Variants in WWOX observed in about 807,000 individuals in gnomAD.
WWOX encodes WW domain-containing oxidoreductase.
In WWOX, 69 loss-of-function variants were observed where a neutral mutation model predicts 46.2. The observed-to-expected ratio is 1.49, with a 90% CI of 1.23 to 1.82. The LOEUF is 1.82. Among genes scored for constraint, WWOX ranks in the 40% most tolerant of loss-of-function variants. The pLI is 0.00. For synonymous variants in WWOX, 359 were observed against 202.6 expected, an observed-to-expected ratio of 1.77 and a Z score of -6.56; for missense variants, 919 against 542.6, an observed-to-expected ratio of 1.69 and a Z score of -6.89.
At chr16:78,632,999 A>T (rs779631308) in intron 8 of WWOX, among the ~76,000 whole-genome samples, 1 of 152,166 alleles carries the variant, frequency 6.6e-6, no homozygotes, top group African/African-American at 2.4e-5. Context: ...ATGGTGGCTC[A>T]TGCCTGTAAT....
intron 8 of WWOX, chr16:78,825,499 A>G: frequency 2.1e-6 from 1 of 483,608 alleles, no homozygotes; most frequent in South Asian, 1.6e-5. Flanking sequence ...GCTGTAGTTC[A>G]GAAGAGATTT....
Position 78,880,259 on chromosome 16 carries a change from G to A in WWOX, c.1057-331349G>A, listed in dbSNP as rs190756039. Among the ~76,000 whole-genome samples, 611 of 152,258 alleles carry A rather than the reference G, an allele frequency of 4.0e-3. 3 individuals are homozygous for A. The highest frequency in any genetic ancestry group is 0.013 in the South Asian group (65 of 4,818). On this transcript the variant is annotated intron_variant, in intron 8 of 8. Transcript: ENST00000566780. ...AACATGAAAACACCTTACATAGATGGAAACATCTAAAGGCTATTTTTTATT... is the reference window on the plus strand; with the variant it reads ...AACATGAAAACACCTTACATAGATGAAAACATCTAAAGGCTATTTTTTATT...
At chr16:78,645,986 T>C (rs995315084) in intron 8 of WWOX, among the ~76,000 whole-genome samples, 1 of 152,044 alleles carries the variant, frequency 6.6e-6, no homozygotes, top group African/African-American at 2.4e-5. Flanking sequence ...GCTCCTTCTC[T>C]CCCCCTCCTC....
chr16:78,982,683 G>C (rs571995722), intron 8 of WWOX, among the ~76,000 whole-genome samples: 188 of 152,186 alleles, frequency 1.2e-3, no homozygotes, highest in African/African-American at 4.3e-3. Context: ...ATTTTAGACC[G>C]GGCTCCTCAA....
intron 8 of WWOX, among the ~76,000 whole-genome samples, chr16:78,957,364 A>G (rs1180769557): frequency 6.6e-6 from 1 of 152,188 alleles, no homozygotes; most frequent in Admixed American, 6.5e-5. Flanking sequence ...CTTGAGCTGA[A>G]TTGTTCTTTT....
intron 8 of WWOX, among the ~76,000 whole-genome samples, chr16:79,026,352 G>C (rs1488380373): frequency 1.3e-5 from 2 of 151,626 alleles, no homozygotes; most frequent in African/African-American, 4.9e-5. Context: ...TAGGTTATCA[G>C]ATCTCAGCTC....
intron 8 of WWOX, among the ~76,000 whole-genome samples, chr16:78,997,397 A>G (rs1217176824): frequency 1.3e-5 from 2 of 152,180 alleles, no homozygotes; most frequent in African/African-American, 4.8e-5. Context: ...TACCACGGTG[A>G]CACGCAAAAG....
chr16:79,107,690 A>G (rs2049338170), intron 8 of WWOX, among the ~76,000 whole-genome samples: 1 of 152,238 alleles, frequency 6.6e-6, no homozygotes, highest in Admixed American at 6.5e-5. Context: ...TTTAAAAATG[A>G]AATTTTTCTT....
intron 8 of WWOX, among the ~76,000 whole-genome samples, chr16:78,511,086 G>C (rs1240349588): frequency 2.6e-5 from 4 of 152,200 alleles, no homozygotes; most frequent in African/African-American, 9.7e-5. Context: ...TGTTTTCAGA[G>C]AGCAAAAGTC....
chr16:78,333,647 A>C (rs188007085), intron 5 of WWOX, among the ~76,000 whole-genome samples: 1 of 152,272 alleles, frequency 6.6e-6, no homozygotes, highest in East Asian at 1.9e-4. Flanking sequence ...GTACTTCATT[A>C]AGTCTCCAGA....
intron 8 of WWOX, among the ~76,000 whole-genome samples, chr16:79,147,273 C>A (rs189975798): frequency 5.3e-5 from 8 of 152,314 alleles, no homozygotes; most frequent in South Asian, 4.1e-4. Flanking sequence ...CATCCCTGAC[C>A]CCTGGCAACC....
intron 8 of WWOX, among the ~76,000 whole-genome samples, chr16:78,495,603 G>T (rs2084897828): frequency 6.6e-6 from 1 of 151,316 alleles, no homozygotes; most frequent in African/African-American, 2.4e-5. Context: ...CCACCTCCTG[G>T]GTTCAAGTGA....
intron 8 of WWOX, among the ~76,000 whole-genome samples, chr16:78,922,204 C>A (rs2045395026): frequency 6.6e-6 from 1 of 151,960 alleles, no homozygotes; most frequent in Admixed American, 6.6e-5. Context: ...GTACAGTGTC[C>A]CTACCCTAAG....
At chr16:79,115,504 G>T (rs1346714186) in intron 8 of WWOX, among the ~76,000 whole-genome samples, 1 of 152,188 alleles carries the variant, frequency 6.6e-6, no homozygotes, top group African/African-American at 2.4e-5. Context: ...CCTTTTAGCA[G>T]CTGCCACAAA....
intron 8 of WWOX, among the ~76,000 whole-genome samples, chr16:78,627,531 T>G (rs1474796354): frequency 1.3e-5 from 2 of 152,082 alleles, no homozygotes; most frequent in African/African-American, 4.8e-5. Flanking sequence ...AAGTCACCAA[T>G]GAGAGTTCAG....
At chr16:79,147,581 G>A (rs911941353) in intron 8 of WWOX, among the ~76,000 whole-genome samples, 1 of 152,178 alleles carries the variant, frequency 6.6e-6, no homozygotes, top group Non-Finnish European at 1.5e-5. Context: ...TGTGTAAATA[G>A]AAGTTTTCTT....
At chr16:78,522,623 A>G (rs1048258246) in intron 8 of WWOX, among the ~76,000 whole-genome samples, 21 of 152,230 alleles carry the variant, frequency 1.4e-4, no homozygotes, top group African/African-American at 5.1e-4. Flanking sequence ...TATCAGCCGC[A>G]AGAGGAAATG....
chr16:78,718,033 G>C (rs2048606043), intron 8 of WWOX, among the ~76,000 whole-genome samples: 1 of 151,798 alleles, frequency 6.6e-6, no homozygotes, highest in Admixed American at 6.6e-5. Context: ...GTATTAGCCT[G>C]CCAGACTGCA....
Position 78,763,804 on chromosome 16 carries a change from C to A in WWOX, c.1056+331052C>A, listed in dbSNP as rs530767324. On this transcript the variant is annotated intron_variant, in intron 8 of 8. Transcript: ENST00000566780. ...CTCCAGCATTCAGTTAAGACCTAGCCGAAGCATAATTGTCAGCATAGTAGA... is the reference window on the plus strand; with the variant it reads ...CTCCAGCATTCAGTTAAGACCTAGCAGAAGCATAATTGTCAGCATAGTAGA... Among the ~76,000 whole-genome samples the A allele has an allele frequency of 3.9e-5, 6 of 152,320 alleles. No homozygotes were observed. The South Asian group carries it at 1.2e-3, about 32-fold the overall frequency.
Sources: gnomAD v4.1 joint callset for allele counts (sites outside exome capture counted in the v4.1 genomes callset) on GRCh38, gnomAD v4.1.1 for gene constraint, MANE v1.5 for transcripts, NCBI Gene and HGNC (gene_info 2026-07-23, HGNC 2026-07-21) for gene names.